Variants in DDX5 observed in about 807,000 individuals in gnomAD.
DDX5 encodes the protein probable ATP-dependent RNA helicase DDX5.
In DDX5, 6 loss-of-function variants were observed where a neutral mutation model predicts 68.6. The ratio of observed to expected loss-of-function variants is 0.09; its 90% CI spans 0.05 to 0.17. The LOEUF (loss-of-function observed/expected upper bound fraction) is 0.17. DDX5 is among the 10% of genes least tolerant of loss of function. DDX5 has a pLI of 1.00. For synonymous variants in DDX5, 350 were observed against 247.0 expected (o/e 1.42, Z -3.91); for missense variants, 499 against 756.1 (o/e 0.66, Z 3.99).
At chr17:64,505,400 A>G (rs149387373) in intron 1 of DDX5, 408 of 507,854 alleles carry the variant, frequency 8.0e-4, no homozygotes, top group Non-Finnish European at 1.3e-3. Flanking sequence ...TCAAAATTAT[A>G]TAACGCAGGA....
At position 64,499,870 on chromosome 17, in the gene DDX5, A is replaced by G. The variant is rs1245603323; in HGVS notation, c.*53T>C. The G allele has an allele frequency of 6.8e-7, 1 of 1,470,318 alleles. No individual in the cohort carries two copies. Among genetic ancestry groups the G allele is most frequent in the East Asian group, 2.3e-5 (1 of 43,744 alleles). 91.1% of individuals were successfully genotyped at this position (1,470,318 alleles called of 1,614,324 possible). A position where few individuals can be genotyped will look rare whatever the true frequency, so the allele number is the denominator to read the frequency against. ...AAATAACTATCTTGTCAGATAACAC[A>G]CAATATAAAGAGCAATTATGAAAAA... On this transcript the variant is annotated 3_prime_UTR_variant, in exon 13 of 13. Coordinates refer to ENST00000225792, the MANE Select transcript of DDX5 (RefSeq NM_004396.5).
In DDX5 at chr17:64,499,783, GC is replaced by G; in HGVS notation, c.*139del. ...TGTAGAGAAATATCCAACTTAAATA[GC>G]GAAAAAGTGCACCATAATTACTGCT... is the stretch of plus-strand genomic sequence containing the variant. On this transcript the variant is annotated 3_prime_UTR_variant, in exon 13 of 13. Coordinates refer to ENST00000225792, the MANE Select transcript of DDX5 (RefSeq NM_004396.5). 1 of 753,174 alleles carries G rather than the reference GC, an allele frequency of 1.3e-6. No homozygotes were observed. The highest frequency in any genetic ancestry group is 1.9e-6 in the Non-Finnish European group (1 of 513,334). 46.7% of individuals were successfully genotyped at this position (753,174 alleles called of 1,614,324 possible). A position where few individuals can be genotyped will look rare whatever the true frequency, so the allele number is the denominator to read the frequency against.
chr17:64,498,734 T>G lies in DDX5; in HGVS notation c.*1189A>C, dbSNP rs1197483271. On this transcript the variant is annotated 3_prime_UTR_variant, in exon 13 of 13. Transcript: ENST00000225792. The stretch of plus-strand genomic sequence containing the variant: ...CACGTATCAGACTCTGGGAAAACAT[T>G]CAGACCCACTTCTAGCTATTACTGA... 6.6e-6 allele frequency among the ~76,000 whole-genome samples: 1 copy of G among 152,182 alleles called. No homozygotes were observed. Among genetic ancestry groups the G allele is most frequent in the Non-Finnish European group, 1.5e-5 (1 of 68,040 alleles).
rs2038206107 is a variant in DDX5, at chr17:64,498,301, A to C, written c.*1622T>G. ...TAGTTAAGACGACCACAGGCTGGAC[A>C]CAACACACATGCTAAAAAGTGGACT... On this transcript the variant is annotated 3_prime_UTR_variant, in exon 13 of 13. Transcript: ENST00000225792. Among the ~76,000 whole-genome samples, 1 of 152,040 alleles carries C rather than the reference A, an allele frequency of 6.6e-6. No individual in the cohort carries two copies. Among genetic ancestry groups the C allele is most frequent in the South Asian group, 2.1e-4 (1 of 4,836 alleles).
chr17:64,501,212 A>G (rs2038290216), intron 11 of DDX5: 1 of 172,568 alleles, frequency 5.8e-6, no homozygotes, highest in Non-Finnish European at 1.3e-5. Context: ...TTCTGGCCAC[A>G]CTGCTTGTCT....
Position 64,499,356 on chromosome 17 carries a change from G to C in DDX5, c.*567C>G, listed in dbSNP as rs2038236437. ...AAAAAGGCTATTAAATGACTCCCCTGATGCTGGAAGCTGACAAAGCTTTTA... is the reference window on the plus strand; with the variant it reads ...AAAAAGGCTATTAAATGACTCCCCTCATGCTGGAAGCTGACAAAGCTTTTA... On this transcript the variant is annotated 3_prime_UTR_variant, in exon 13 of 13. Transcript: ENST00000225792. Among the ~76,000 whole-genome samples the C allele has an allele frequency of 6.6e-6, 1 of 152,016 alleles. No homozygotes were observed. The highest frequency in any genetic ancestry group is 1.5e-5 in the Non-Finnish European group (1 of 67,996).
chr17:64,506,158 A>C lies in DDX5; in HGVS notation c.-39T>G. 6.2e-7 allele frequency: 1 copy of C among 1,604,238 alleles called. No homozygotes were observed. Among genetic ancestry groups the C allele is most frequent in the Non-Finnish European group, 8.5e-7 (1 of 1,175,706 alleles). On this transcript the variant is annotated 5_prime_UTR_variant, in exon 1 of 13. Transcript: ENST00000225792. ...GCGGTTGGCGGGGAACGAAGTATAT[A>C]GAAAAGCGTGCGACAAGTCGCTGGA...
rs782230372 is a variant in DDX5 at position 64,502,237 on chromosome 17, C to T, written c.1095-14G>A. 1 of 1,613,590 alleles carries T rather than the reference C, an allele frequency of 6.2e-7. No homozygotes were observed. On this transcript the variant is annotated splice_polypyrimidine_tract_variant and intron_variant, in intron 9 of 12. Transcript: ENST00000225792. ...ATGGCAGGCCACCTAAGTTAAAAGA[C>T]AAGTTGTGTTATTAAACTCACATTG...
At chr17:64,506,780 G>A (rs1330907912), upstream of DDX5, 2 of 533,038 alleles carry the variant, frequency 3.8e-6, no homozygotes, top group Non-Finnish European at 6.7e-6. Flanking sequence ...CGCACCCCGG[G>A]ACCCGCCCGG....
rs1370378097 is a variant in DDX5 at position 64,506,267 on chromosome 17, A to G, written c.-148T>C. The G allele has an allele frequency of 5.2e-6, 8 of 1,539,296 alleles. No homozygotes were observed. The highest frequency in any genetic ancestry group is 2.7e-5 in the African/African-American group (2 of 72,886). On this transcript the variant is annotated 5_prime_UTR_variant, in exon 1 of 13. Transcript: ENST00000225792. ...ACACCAGCCGAAGCTGCACTACTAG[A>G]GACCGGTAGAAATGAATGAGGTGCC...
At chr17:64,504,559 G>A in intron 2 of DDX5, 118 bp downstream of exon 2, 2 of 1,254,186 alleles carry the variant, frequency 1.6e-6, no homozygotes, top group Non-Finnish European at 2.2e-6. Flanking sequence ...TCCCAATTAT[G>A]AAGTCAGAAC....
rs2038251048 is a variant in DDX5 at position 64,499,858 on chromosome 17, G to A, written c.*65C>T. The A allele has an allele frequency of 7.1e-7, 1 of 1,400,266 alleles. No homozygotes were observed. Among genetic ancestry groups the A allele is most frequent in the Non-Finnish European group, 9.5e-7 (1 of 1,048,340 alleles). The allele number at this position is 1,400,266 out of a possible 1,614,324, so 86.7% of individuals were successfully genotyped here. ...CCCATGTTTCTTAAATAACTATCTT[G>A]TCAGATAACACACAATATAAAGAGC... On this transcript the variant is annotated 3_prime_UTR_variant, in exon 13 of 13. Coordinates refer to ENST00000225792, the MANE Select transcript of DDX5 (RefSeq NM_004396.5).
intron 1 of DDX5, chr17:64,505,609 C>T: frequency 1.1e-6 from 1 of 929,850 alleles, no homozygotes; most frequent in South Asian, 1.4e-5. Context: ...CCGAGGCCGG[C>T]ATTTTGTACT....
chr17:64,501,288 CTG>C (rs1386710427), intron 11 of DDX5: 1 of 162,074 alleles, frequency 6.2e-6, no homozygotes, highest in South Asian at 1.7e-4. Context: ...TTTTTATGCA[CTG>C]TGTCTCGTCT....
intron 12 of DDX5, 111 bp downstream of exon 12, chr17:64,500,438 A>T: frequency 1.3e-6 from 2 of 1,522,366 alleles, no homozygotes; most frequent in South Asian, 2.5e-5. Flanking sequence ...ACAATTTTTC[A>T]GCTTAAGTTT....
chr17:64,503,105 G>A lies in DDX5; in HGVS notation c.811-7C>T, dbSNP rs781795238. The A allele has an allele frequency of 6.2e-7, 1 of 1,612,000 alleles. No individual in the cohort carries two copies. Among genetic ancestry groups the A allele is most frequent in the Admixed American group, 1.7e-5 (1 of 59,846 alleles). On this transcript the variant is annotated splice_region_variant and splice_polypyrimidine_tract_variant and intron_variant, in intron 7 of 12. Coordinates refer to ENST00000225792, the MANE Select transcript of DDX5 (RefSeq NM_004396.5). ...TTAGAGTTTGCCTATCAGGCTAATGGATTTTGGGGGGAAAAATTAGTATCA... is the reference window on the plus strand; with the variant it reads ...TTAGAGTTTGCCTATCAGGCTAATGAATTTTGGGGGGAAAAATTAGTATCA...
upstream of DDX5, chr17:64,506,299 T>G: frequency 1.3e-6 from 2 of 1,517,230 alleles, no homozygotes; most frequent in East Asian, 2.5e-5. Context: ...TGCCGGCCGC[T>G]TTCCGGCAGC....
rs547806702 is a variant in DDX5 at position 64,503,260 on chromosome 17, G to A, written c.738C>T (p.Val246=). The A allele has an allele frequency of 5.6e-6, 9 of 1,614,126 alleles. No homozygotes were observed. In the South Asian group the frequency reaches 8.8e-5, roughly 16 times the overall value. ...CAAGCATTCTATCTGCTTCATCAAGGACAAGGTAGGTTGTTCTTCTCAGAT... is the reference window on the plus strand; with the variant it reads ...CAAGCATTCTATCTGCTTCATCAAGAACAAGGTAGGTTGTTCTTCTCAGAT... ...KTNLRRTTYL[V]LDEADRMLDM... The change falls in exon 7 of 13, where the codon GTC becomes GTT. Residue 246 remains valine (V), a synonymous_variant. Transcript: ENST00000225792.
At chr17:64,505,809 TCAA>T in intron 1 of DDX5, 1 of 1,536,114 alleles carries the variant, frequency 6.5e-7, no homozygotes, top group Non-Finnish European at 8.7e-7. Context: ...ACGCTCCCTC[TCAA>T]CTCCCTCAAC....
Sources: allele counts gnomAD v4.1 joint callset (sites outside exome capture counted in the v4.1 genomes callset), GRCh38; gene constraint gnomAD v4.1.1; transcripts MANE v1.5; gene names NCBI Gene and HGNC (gene_info 2026-07-23, HGNC 2026-07-21).